NRXN3: variants seen among roughly 807,000 people sequenced by gnomAD.
NRXN3 encodes the protein neurexin III.
In NRXN3, 32 loss-of-function variants were observed where a neutral mutation model predicts 137.6. The observed-to-expected ratio is 0.23, with a 90% CI of 0.18 to 0.31. The LOEUF is 0.31. Among genes scored for constraint, NRXN3 ranks in the 10% least tolerant of loss-of-function variants. The pLI, the probability that NRXN3 is intolerant of heterozygous loss-of-function variation, is 1.00. For missense variants in NRXN3, 1,574 were observed against 2,062.5 expected (o/e 0.76, Z 4.59); for synonymous variants, 798 against 784.5 (o/e 1.02, Z -0.29).
chr14:78,458,226 A>G, intron 4 of NRXN3, among the ~76,000 whole-genome samples: 1 of 152,220 alleles, frequency 6.6e-6, no homozygotes, highest in Non-Finnish European at 1.5e-5. Flanking sequence ...CTATGCAACC[A>G]ACCCAGAAAA....
At chr14:79,029,721 AG>A (rs1156426164) in intron 15 of NRXN3, among the ~76,000 whole-genome samples, 1 of 152,102 alleles carries the variant, frequency 6.6e-6, no homozygotes, top group African/African-American at 2.4e-5. Flanking sequence ...AAATATCTCC[AG>A]ATGTTGCCAA....
At chr14:79,279,540 C>G (rs2153439453) in intron 15 of NRXN3, 4 of 986,332 alleles carry the variant, frequency 4.1e-6, no homozygotes, top group Middle Eastern at 5.2e-4. Flanking sequence ...GTGGCTGCTC[C>G]GCACCGGGTT....
intron 4 of NRXN3, among the ~76,000 whole-genome samples, chr14:78,581,725 T>C (rs1318540900): frequency 6.6e-6 from 1 of 152,210 alleles, no homozygotes; most frequent in Non-Finnish European, 1.5e-5. Flanking sequence ...AAGACTGCAG[T>C]GATTTTATGT....
At chr14:79,314,345 C>G (rs1186552384) in intron 15 of NRXN3, among the ~76,000 whole-genome samples, 1 of 76,616 alleles carries the variant, frequency 1.3e-5, no homozygotes, top group Non-Finnish European at 2.6e-5. Flanking sequence ...CCGAATATTG[C>G]GCTTTTCAGA....
intron 20 of NRXN3, among the ~76,000 whole-genome samples, chr14:79,851,528 G>T (rs1335500502): frequency 6.6e-6 from 1 of 152,082 alleles, no homozygotes; most frequent in East Asian, 1.9e-4. Flanking sequence ...GCGTCCCATA[G>T]CGGGCAAAAG....
At chr14:78,417,134 A>G (rs1276494290) in intron 4 of NRXN3, among the ~76,000 whole-genome samples, 1 of 152,208 alleles carries the variant, frequency 6.6e-6, no homozygotes, top group Non-Finnish European at 1.5e-5. Flanking sequence ...TAAAGCCATC[A>G]TGGCTTCCCA....
At chr14:78,353,636 A>G (rs1435405268) in intron 4 of NRXN3, among the ~76,000 whole-genome samples, 1 of 152,184 alleles carries the variant, frequency 6.6e-6, no homozygotes, top group African/African-American at 2.4e-5. Flanking sequence ...AGAAAAAAAA[A>G]TCTGCAAACA....
At chr14:79,790,615 CTTT>C (rs34493154) in intron 19 of NRXN3, among the ~76,000 whole-genome samples, 4 of 73,124 alleles carry the variant, frequency 5.5e-5, no homozygotes, top group African/African-American at 5.7e-5. Context: ...GGCCCAGGCT[CTTT>C]TTTTTTTTTT....
chr14:79,638,494 A>C (rs1187949500), intron 16 of NRXN3, among the ~76,000 whole-genome samples: 1 of 152,218 alleles, frequency 6.6e-6, no homozygotes, highest in Non-Finnish European at 1.5e-5. Context: ...TGTAATACCC[A>C]GGTTCTTTCT....
At chr14:78,810,880 C>G (rs2098908733) in intron 10 of NRXN3, among the ~76,000 whole-genome samples, 1 of 152,202 alleles carries the variant, frequency 6.6e-6, no homozygotes, top group Non-Finnish European at 1.5e-5. Context: ...AGACTTGAGA[C>G]ACACTCTGTC....
At chr14:78,474,543 A>C (rs960721643) in intron 4 of NRXN3, among the ~76,000 whole-genome samples, 5 of 152,174 alleles carry the variant, frequency 3.3e-5, no homozygotes, top group Admixed American at 2.6e-4. Flanking sequence ...GACTTATGGC[A>C]GTTATAGTCA....
intron 10 of NRXN3, among the ~76,000 whole-genome samples, chr14:78,846,704 C>A (rs1425505212): frequency 1.3e-5 from 2 of 152,016 alleles, no homozygotes; most frequent in Non-Finnish European, 2.9e-5. Flanking sequence ...CTTGAATATG[C>A]TGCAATAAAA....
chr14:79,801,410 T>C (rs2140498370), intron 19 of NRXN3, among the ~76,000 whole-genome samples: 1 of 152,290 alleles, frequency 6.6e-6, no homozygotes, highest in East Asian at 1.9e-4. Context: ...ATAGAGCACA[T>C]AGGCAGATAC....
chr14:78,719,332 C>T (rs1345408384), intron 8 of NRXN3, among the ~76,000 whole-genome samples: 1 of 152,120 alleles, frequency 6.6e-6, no homozygotes, highest in African/African-American at 2.4e-5. Flanking sequence ...GACTCTTGTT[C>T]CAGTGGGAAA....
At chr14:78,773,062 C>A (rs757044895) in intron 8 of NRXN3, among the ~76,000 whole-genome samples, 4 of 152,090 alleles carry the variant, frequency 2.6e-5, no homozygotes, top group Admixed American at 1.3e-4. Context: ...GTAGACGAGG[C>A]CTGTGAAATA....
intron 15 of NRXN3, among the ~76,000 whole-genome samples, chr14:79,116,572 T>G (rs1180118586): frequency 6.6e-6 from 1 of 152,204 alleles, no homozygotes. Flanking sequence ...CCTTCTTCAT[T>G]TTAAAAACAA....
chr14:78,300,496 C>T (rs2153530033), intron 4 of NRXN3, among the ~76,000 whole-genome samples: 1 of 152,320 alleles, frequency 6.6e-6, no homozygotes, highest in South Asian at 2.1e-4. Flanking sequence ...TGCGCTGCCT[C>T]CTTAGGATGT....
rs149289868 is a variant in NRXN3 at position 78,914,117 on chromosome 14, A to C, written c.2276-43125A>C. Reference sequence around the variant, plus strand: ...TTGCTGTGATTTCCCACCCATGATTACAGTTCACACTCTACTTACTACCAG... The same window carrying C: ...TTGCTGTGATTTCCCACCCATGATTCCAGTTCACACTCTACTTACTACCAG... On this transcript the variant is annotated intron_variant, in intron 10 of 20. Coordinates refer to ENST00000335750, the MANE Select transcript of NRXN3 (RefSeq NM_001330195.2). Among the ~76,000 whole-genome samples, 804 of 152,272 alleles carry C rather than the reference A, an allele frequency of 5.3e-3. 10 individuals are homozygous for C. Among genetic ancestry groups the C allele is most frequent in the African/African-American group, 0.018 (751 of 41,572 alleles).
chr14:78,570,872 T>A (rs1009428205), intron 4 of NRXN3, among the ~76,000 whole-genome samples: 2 of 152,216 alleles, frequency 1.3e-5, no homozygotes, highest in African/African-American at 4.8e-5. Flanking sequence ...CCTCATTCCA[T>A]GACTGAGGCC....
Sources: allele counts gnomAD v4.1 joint callset (sites outside exome capture counted in the v4.1 genomes callset), GRCh38; gene constraint gnomAD v4.1.1; transcripts MANE v1.5; gene names NCBI Gene and HGNC (gene_info 2026-07-23, HGNC 2026-07-21).